MFSD12: variants seen among roughly 807,000 people sequenced by gnomAD.
MFSD12 encodes major facilitator superfamily domain containing 12, also known as major facilitator superfamily domain-containing protein 12.
MFSD12 carries 67 observed loss-of-function variants against 51.2 expected under a neutral mutation model. That is an observed-to-expected ratio of 1.31 (90% confidence interval 1.08 to 1.60). MFSD12 has a LOEUF of 1.60. MFSD12 is among the 40% of genes most tolerant of loss of function. The pLI is 0.00. For missense variants in MFSD12, 921 were observed against 673.0 expected, an observed-to-expected ratio of 1.37 and a Z score of -4.08; for synonymous variants, 441 against 316.7, an observed-to-expected ratio of 1.39 and a Z score of -4.17.
At chr19:3,540,149 A>C (rs1163670619), downstream of MFSD12, 1 of 137,662 alleles carries the variant, frequency 7.3e-6, no homozygotes, top group Non-Finnish European at 1.5e-5. Context: ...GCTAGGGTGC[A>C]GTGGCGCAAT....
Position 3,546,434 on chromosome 19 carries a change from A to G in MFSD12, c.1024-9T>C, listed in dbSNP as rs752319379. On this transcript the variant is annotated splice_polypyrimidine_tract_variant and intron_variant, in intron 6 of 9. Transcript: ENST00000355415. The stretch of plus-strand genomic sequence containing the variant: ...CCTGAGAAGTAGGTCATCTGCAGGG[A>G]CAGCCCCGGGGTCAGGCCCACACCA... 1.9e-6 allele frequency: 3 copies of G among 1,599,654 alleles called. No homozygotes were observed. The highest frequency in any genetic ancestry group is 2.6e-6 in the Non-Finnish European group (3 of 1,174,058).
At chr19:3,544,766 T>A (rs1336703768) in intron 9 of MFSD12, 34 bp from the exon 10 acceptor site, 6 of 1,337,628 alleles carry the variant, frequency 4.5e-6, no homozygotes, top group Non-Finnish European at 6.1e-6. Flanking sequence ...CATTAGAGAG[T>A]GTGGGTCAGT....
Position 3,557,181 on chromosome 19 carries a change from G to C in MFSD12, c.223C>G (p.Leu75Val). The C allele has an allele frequency of 6.5e-7, 1 of 1,549,378 alleles. No homozygotes were observed. The highest frequency in any genetic ancestry group is 1.2e-5 in the South Asian group (1 of 83,676). Reference sequence around the variant, plus strand: ...GCGCGGTCGGCCTCGTAGCCCACGAGCGGTGTGCACAGCCCGTCGGCCACC... The same window carrying C: ...GCGCGGTCGGCCTCGTAGCCCACGACCGGTGTGCACAGCCCGTCGGCCACC... ...GQVADGLCTP[L>V]VGYEADRAAS... Residue 75 changes from leucine (L) to valine (V), a missense_variant, in exon 1 of 10, where the codon CTC (leucine) becomes GTC (valine). Physicochemically the swap from Leu to Val is conservative, Grantham distance 32 (BLOSUM62 1). Coordinates refer to ENST00000355415, the MANE Select transcript of MFSD12 (RefSeq NM_174983.5).
chr19:3,545,037 G>A lies in MFSD12; in HGVS notation c.1290-98C>T, dbSNP rs982201424. ...TCCCCTCACCCCCGACAGCGGCTCC[G>A]TCCTGTCCAATCCAGGAGCTGGGGG... On this transcript the variant is annotated intron_variant, in intron 8 of 9. Coordinates refer to ENST00000355415, the MANE Select transcript of MFSD12 (RefSeq NM_174983.5). 231 of 1,445,588 alleles carry A rather than the reference G, an allele frequency of 1.6e-4. 3 individuals are homozygous for A. The highest frequency in any genetic ancestry group is 1.6e-3 in the South Asian group (115 of 74,186). 89.5% of individuals were successfully genotyped at this position (1,445,588 alleles called of 1,614,324 possible). A position where few individuals can be genotyped will look rare whatever the true frequency, so the allele number is the denominator to read the frequency against.
intron 6 of MFSD12, 105 bp from the exon 7 acceptor site, chr19:3,546,530 T>C: frequency 2.9e-6 from 4 of 1,363,158 alleles, no homozygotes; most frequent in Non-Finnish European, 4.0e-6. Flanking sequence ...AGGCATGAGC[T>C]GGATGGTCCC....
Position 3,551,284 on chromosome 19 carries a change from T to A in MFSD12, c.299-90A>T. 1 of 1,061,344 alleles carries A rather than the reference T, an allele frequency of 9.4e-7. No homozygotes were observed. The highest frequency in any genetic ancestry group is 1.3e-6 in the Non-Finnish European group (1 of 745,184). The allele number at this position is 1,061,344 out of a possible 1,614,324, so 65.7% of individuals were successfully genotyped here. A position where few individuals can be genotyped will look rare whatever the true frequency, so the allele number is the denominator to read the frequency against. On this transcript the variant is annotated intron_variant, in intron 1 of 9. Transcript: ENST00000355415. This position sits in a 1 kb window ranked among gnomAD's most constrained non-coding sequence, Gnocchi z 4.6. ...ACATGGAGGGAGGAGAGAGGGAAAC[T>A]GAGGCACAGATGGAGACGCCCCCCG...
chr19:3,541,560 A>G (rs1599809586), downstream of MFSD12: 2 of 611,168 alleles, frequency 3.3e-6, no homozygotes, highest in East Asian at 2.8e-4. Context: ...TGACCTCATG[A>G]TCCGCCTGCC....
chr19:3,539,811 G>A (rs1279928069), downstream of MFSD12: 2 of 154,084 alleles, frequency 1.3e-5, no homozygotes, highest in South Asian at 4.1e-4. Flanking sequence ...GCCATGTCCT[G>A]AGGCTCTGGG....
Position 3,557,228 on chromosome 19 carries a change from C to T in MFSD12, c.176G>A (p.Gly59Glu), listed in dbSNP as rs771656583. Reference protein sequence around the residue: ...SVRAYSSRGAGLLLLLGQVAD... With the variant: ...SVRAYSSRGAELLLLLGQVAD... Reference sequence around the variant, plus strand: ...CACCTGGCCCAGCAGCAGCAGCAGCCCCGCGCCGCGGGAGCTGTAGGCGCG... The same window carrying T: ...CACCTGGCCCAGCAGCAGCAGCAGCTCCGCGCCGCGGGAGCTGTAGGCGCG... The change falls in exon 1 of 10, where the codon GGG becomes GAG. Residue 59 changes from glycine to glutamate, a missense_variant. Physicochemically the swap from Gly to Glu is moderately conservative, Grantham distance 98. Coordinates refer to ENST00000355415, the MANE Select transcript of MFSD12 (RefSeq NM_174983.5). The T allele has an allele frequency of 3.8e-6, 6 of 1,590,124 alleles. No homozygotes were observed. Among genetic ancestry groups the T allele is most frequent in the Non-Finnish European group, 5.1e-6 (6 of 1,170,422 alleles).
downstream of MFSD12, chr19:3,543,082 T>A: frequency 6.4e-7 from 1 of 1,574,476 alleles, no homozygotes; most frequent in Non-Finnish European, 8.6e-7. Context: ...GGGTGAGGGG[T>A]ACAGGGCTGA....
intron 2 of MFSD12, among the ~76,000 whole-genome samples, chr19:3,549,461 C>T (rs1020755677): frequency 2.6e-5 from 4 of 152,202 alleles, no homozygotes; most frequent in East Asian, 3.9e-4. Context: ...CGGTGGCTCA[C>T]GCCTGTAATC....
intron 6 of MFSD12, among the ~76,000 whole-genome samples, chr19:3,546,780 A>G (rs936004718): frequency 6.6e-6 from 1 of 152,216 alleles, no homozygotes; most frequent in Non-Finnish European, 1.5e-5. Flanking sequence ...CTGCGAGTGT[A>G]TAAACTCGAG....
At chr19:3,543,357 A>C (rs1389465709), downstream of MFSD12, 3 of 1,549,380 alleles carry the variant, frequency 1.9e-6, no homozygotes, top group South Asian at 3.6e-5. Flanking sequence ...GGCCTGACCA[A>C]CTCGGACGCC....
chr19:3,557,081 C>CA (rs1410358892), intron 1 of MFSD12, 25 bp downstream of exon 1: 1 of 1,430,638 alleles, frequency 7.0e-7, no homozygotes, highest in East Asian at 2.9e-5. Flanking sequence ...GGCTGCCCGA[C>CA]AGGTGGCGGG....
At position 3,548,132 on chromosome 19, in the gene MFSD12, G is replaced by T. The variant is rs749113953; in HGVS notation, c.645C>A (p.Pro215=). Reference sequence around the variant, plus strand: ...CCGGACTCCAGCTCACCCGGAACACGGGCACGTCCTGGCCCCCCAGCTGGT... The same window carrying T: ...CCGGACTCCAGCTCACCCGGAACACTGGCACGTCCTGGCCCCCCAGCTGGT... ...ISDQLGGQDV[P]VFRNLSLLVV... Residue 215 remains proline, a synonymous_variant, in exon 3 of 10, where the codon CCC becomes CCA. Transcript: ENST00000355415. The T allele has an allele frequency of 6.2e-7, 1 of 1,606,836 alleles. No individual in the cohort carries two copies.
At chr19:3,538,638 TC>T in exon 5 of MFSD12, 1 of 243,594 alleles carries the variant, frequency 4.1e-6, no homozygotes, top group South Asian at 3.6e-5. Flanking sequence ...TGGCTGAGTC[TC>T]GTTCCAGCAC....
At chr19:3,544,771 G>A (rs1334818187) in intron 9 of MFSD12, 38 bp downstream of exon 9, 4 of 1,496,948 alleles carry the variant, frequency 2.7e-6, no homozygotes, top group Non-Finnish European at 3.7e-6. Context: ...GAGAGTGTGG[G>A]TCAGTGTCTG....
downstream of MFSD12, chr19:3,542,536 C>T (rs573541289): frequency 1.1e-5 from 10 of 886,342 alleles, no homozygotes; most frequent in East Asian, 3.6e-4. Context: ...TGCAAGGGCA[C>T]GATCTCAGCT....
intron 1 of MFSD12, among the ~76,000 whole-genome samples, chr19:3,556,380 T>C (rs1396879363): frequency 6.6e-6 from 1 of 152,208 alleles, no homozygotes; most frequent in Non-Finnish European, 1.5e-5. Flanking sequence ...GAAAGTCATG[T>C]AGTCAGATGG....
Sources: allele counts gnomAD v4.1 joint callset (sites outside exome capture counted in the v4.1 genomes callset), GRCh38; gene constraint gnomAD v4.1.1; non-coding constraint Gnocchi (gnomAD v3.1); transcripts MANE v1.5; gene names NCBI Gene and HGNC (gene_info 2026-07-23, HGNC 2026-07-21).